The following LRRC7 variants were observed in gnomAD, a reference collection of about 807,000 sequenced individuals.
LRRC7 encodes the protein leucine-rich repeat-containing protein 7.
LRRC7 carries 23 observed loss-of-function variants against 175.7 expected under a neutral mutation model. The ratio of observed to expected loss-of-function variants is 0.13; its 90% CI spans 0.09 to 0.19. LRRC7 has a LOEUF of 0.19. Ranked by LOEUF, LRRC7 falls within the 10% of genes least tolerant of loss-of-function variation. The pLI is 1.00. For synonymous variants in LRRC7, 685 were observed against 680.9 expected (o/e 1.01, Z -0.09); for missense variants, 1,354 against 1,904.7 (o/e 0.71, Z 5.38).
intron 1 of LRRC7, among the ~76,000 whole-genome samples, chr1:69,645,171 T>A (rs182418752): frequency 6.0e-4 from 90 of 150,426 alleles, no homozygotes; most frequent in African/African-American, 1.9e-3. Flanking sequence ...CTTTTTTTTT[T>A]ATTCACAGAT....
chr1:69,664,165 T>C (rs759224033), intron 1 of LRRC7, among the ~76,000 whole-genome samples: 8 of 152,230 alleles, frequency 5.3e-5, no homozygotes, highest in Non-Finnish European at 1.2e-4. Context: ...TAGTATTTCA[T>C]TGTGTATATG....
intron 7 of LRRC7, among the ~76,000 whole-genome samples, chr1:69,868,938 T>TAC (rs34512447): frequency 6.6e-6 from 1 of 151,204 alleles, no homozygotes; most frequent in Non-Finnish European, 1.5e-5. Context: ...TATATATATA[T>TAC]CTTAATCTCC....
intron 7 of LRRC7, among the ~76,000 whole-genome samples, chr1:69,880,672 G>A (rs190707463): frequency 1.3e-5 from 2 of 152,122 alleles, no homozygotes; most frequent in African/African-American, 4.8e-5. Context: ...ATTGATAATA[G>A]GGAAGAAAAA....
At chr1:69,865,385 A>G (rs901091710) in intron 7 of LRRC7, among the ~76,000 whole-genome samples, 2 of 151,590 alleles carry the variant, frequency 1.3e-5, no homozygotes, top group Admixed American at 1.3e-4. Context: ...TTGAAGTGCC[A>G]ACACTAATAG....
intron 2 of LRRC7, among the ~76,000 whole-genome samples, chr1:69,721,597 T>C (rs75221485): frequency 4.9e-4 from 75 of 152,012 alleles, no homozygotes; most frequent in Non-Finnish European, 1.0e-3. Flanking sequence ...ACAATTTATT[T>C]ATTCATTCAT....
chr1:69,716,064 A>G (rs1665314061), intron 2 of LRRC7: 1 of 397,918 alleles, frequency 2.5e-6, no homozygotes, highest in Admixed American at 4.5e-5. Flanking sequence ...ATTCTTGCTT[A>G]TTATGTTCAT....
chr1:69,947,741 G>A (rs907424512), intron 8 of LRRC7, among the ~76,000 whole-genome samples: 1 of 152,006 alleles, frequency 6.6e-6, no homozygotes, highest in Non-Finnish European at 1.5e-5. Context: ...CACAACAGAT[G>A]CCTGAAACTG....
chr1:69,895,224 C>T (rs1557861824), intron 7 of LRRC7, among the ~76,000 whole-genome samples: 1 of 152,032 alleles, frequency 6.6e-6, no homozygotes, highest in African/African-American at 2.4e-5. Context: ...AAGAGTGAAA[C>T]TCCATCTCAA....
Position 69,573,754 on chromosome 1 carries a change from T to G in LRRC7, c.2+5113T>G, listed in dbSNP as rs78509904. ...ATTTCCTGTGTACACTCATTCTCAT[T>G]TTATTGTTCATTGCTTAATAAACTA... On this transcript the variant is annotated intron_variant, in intron 1 of 26. Coordinates refer to ENST00000651989, the MANE Select transcript of LRRC7 (RefSeq NM_001370785.2). Among the ~76,000 whole-genome samples, 884 of 152,248 alleles carry G rather than the reference T, an allele frequency of 5.8e-3. 11 individuals are homozygous for G. Among genetic ancestry groups the G allele is most frequent in the African/African-American group, 0.02 (842 of 41,530 alleles).
chr1:70,098,803 A>T (rs940612269), intron 25 of LRRC7, among the ~76,000 whole-genome samples: 12 of 151,160 alleles, frequency 7.9e-5, no homozygotes, highest in African/African-American at 2.9e-4. Context: ...GACCAATAAC[A>T]GGATCTGAAA....
intron 23 of LRRC7, among the ~76,000 whole-genome samples, chr1:70,075,388 C>G (rs555007933): frequency 2.6e-5 from 4 of 152,104 alleles, no homozygotes; most frequent in African/African-American, 9.6e-5. Flanking sequence ...GCAAGCATAC[C>G]CTCTCTCCTC....
chr1:69,718,854 G>C (rs1470714448), intron 2 of LRRC7, among the ~76,000 whole-genome samples: 3 of 151,812 alleles, frequency 2.0e-5, no homozygotes, highest in African/African-American at 7.2e-5. Context: ...GGGAAAAAAA[G>C]CTTTTGGATA....
rs748119719 is a variant in LRRC7 at position 70,038,818 on chromosome 1, G to A, written c.2994G>A (p.Val998=). Residue 998 remains valine (V), a synonymous_variant, in exon 21 of 27, where the codon GTG becomes GTA. Transcript: ENST00000651989. ...AGATTGACATTGGTACATATAAGGT[G>A]TATAACATACCATTAGAAAACTATG... ...IDEIDIGTYK[V]YNIPLENYAS... is the part of the protein sequence containing the mutation. 1.2e-6 allele frequency: 2 copies of A among 1,614,016 alleles called. No homozygotes were observed. The highest frequency in any genetic ancestry group is 1.7e-6 in the Non-Finnish European group (2 of 1,179,984).
chr1:69,738,635 C>G (rs1557667429), intron 2 of LRRC7, among the ~76,000 whole-genome samples: 1 of 151,748 alleles, frequency 6.6e-6, no homozygotes. Context: ...TGAATAATAC[C>G]CCTTTGAGAG....
At chr1:69,718,985 T>C (rs1397894088) in intron 2 of LRRC7, among the ~76,000 whole-genome samples, 1 of 151,858 alleles carries the variant, frequency 6.6e-6, no homozygotes, top group Admixed American at 6.6e-5. Flanking sequence ...TCAATCCCAA[T>C]GATTCATTTA....
intron 4 of LRRC7, among the ~76,000 whole-genome samples, chr1:69,822,769 T>A (rs6665026): frequency 0.39 from 59,753 of 152,116 alleles, 13,335 homozygotes; most frequent in Middle Eastern, 0.54. Context: ...CTATCTTCAA[T>A]GAGTCTACTC....
chr1:70,005,504 T>C (rs1011602695), intron 11 of LRRC7, among the ~76,000 whole-genome samples: 1 of 152,172 alleles, frequency 6.6e-6, no homozygotes, highest in African/African-American at 2.4e-5. Context: ...GAGCAACTCA[T>C]GAACATGAAA....
chr1:70,075,175 T>C lies in LRRC7; in HGVS notation c.4231-902T>C, dbSNP rs188234736. Among the ~76,000 whole-genome samples, 282 of 152,372 alleles carry C rather than the reference T, an allele frequency of 1.9e-3. 3 individuals are homozygous for C. Among genetic ancestry groups the C allele is most frequent in the African/African-American group, 6.3e-3 (264 of 41,592 alleles). ...ATTCATGATCAGCATTCATTTTCTA[T>C]GTTAGACCTCCATGTTAAACCATTC... On this transcript the variant is annotated intron_variant, in intron 23 of 26. Coordinates refer to ENST00000651989, the MANE Select transcript of LRRC7 (RefSeq NM_001370785.2).
At chr1:70,059,063 C>T (rs933565468) in intron 23 of LRRC7, among the ~76,000 whole-genome samples, 15 of 152,174 alleles carry the variant, frequency 9.9e-5, no homozygotes, top group African/African-American at 1.7e-4. Context: ...CCAAACACTT[C>T]GCTTCTGGAA....
Sources: allele counts gnomAD v4.1 joint callset (sites outside exome capture counted in the v4.1 genomes callset), GRCh38; gene constraint gnomAD v4.1.1; transcripts MANE v1.5; gene names NCBI Gene and HGNC (gene_info 2026-07-23, HGNC 2026-07-21).